The following SAMMSON variants were observed in gnomAD, a reference collection of about 807,000 sequenced individuals.
The protein encoded by SAMMSON is survival associated mitochondrial melanoma specific oncogenic non-coding RNA.
rs749575596 is a variant in SAMMSON, at chr3:70,157,324, G to A, written n.507+85759G>A. On this transcript the variant is annotated intron_variant and non_coding_transcript_variant, in intron 4 of 9. Coordinates refer to ENST00000642114, the Ensembl canonical transcript of SAMMSON. Reference sequence around the variant, plus strand: ...ATTTAAAAGTTACACCTGAGCTGACGAGGCAAGCGTAGCATGATTCCATAC... The same window carrying A: ...ATTTAAAAGTTACACCTGAGCTGACAAGGCAAGCGTAGCATGATTCCATAC... Among the ~76,000 whole-genome samples, 46 of 152,184 alleles carry A rather than the reference G, an allele frequency of 3.0e-4. 1 individual carries two copies. The highest frequency in any genetic ancestry group is 3.4e-3 in the Middle Eastern group (1 of 294).
At chr3:70,369,863 T>C (rs1278281491) in intron 9 of SAMMSON, among the ~76,000 whole-genome samples, 1 of 151,824 alleles carries the variant, frequency 6.6e-6, no homozygotes, top group Non-Finnish European at 1.5e-5. Flanking sequence ...TATAGTACAT[T>C]GTTATGAACT....
chr3:70,304,558 G>C (rs1456987342), intron 7 of SAMMSON, among the ~76,000 whole-genome samples: 1 of 152,008 alleles, frequency 6.6e-6, no homozygotes, highest in East Asian at 1.9e-4. Context: ...GTCAGCCTTT[G>C]ATTCCTTTCT....
chr3:70,079,264 G>T (rs1028960328), intron 4 of SAMMSON, among the ~76,000 whole-genome samples: 1 of 152,128 alleles, frequency 6.6e-6, no homozygotes, highest in African/African-American at 2.4e-5. Flanking sequence ...AAACTTGTGG[G>T]TATCTCTTCT....
At chr3:70,010,542 T>C (rs1163453223) in intron 1 of SAMMSON, among the ~76,000 whole-genome samples, 1 of 152,282 alleles carries the variant, frequency 6.6e-6, no homozygotes, top group Non-Finnish European at 1.5e-5. Context: ...TTTTCACTGA[T>C]GTCATTCTTG....
intron 9 of SAMMSON, among the ~76,000 whole-genome samples, chr3:70,366,147 C>T (rs112134426): frequency 1.3e-5 from 1 of 75,312 alleles, no homozygotes; most frequent in African/African-American, 4.9e-5. Context: ...CCCGCCACCG[C>T]GCCCGGCTAA....
chr3:70,078,333 G>A (rs548556057), intron 4 of SAMMSON, among the ~76,000 whole-genome samples: 2 of 152,114 alleles, frequency 1.3e-5, no homozygotes, highest in Admixed American at 6.5e-5. Context: ...CTAGGGTTCT[G>A]CAAAAAAATT....
chr3:70,233,198 C>T (rs1192649424), intron 4 of SAMMSON, among the ~76,000 whole-genome samples: 4 of 152,082 alleles, frequency 2.6e-5, no homozygotes, highest in African/African-American at 2.4e-5. Context: ...GTACTAAAAG[C>T]GAGCTCTCCC....
At chr3:70,021,871 A>G (rs2067014605) in intron 3 of SAMMSON, among the ~76,000 whole-genome samples, 1 of 152,144 alleles carries the variant, frequency 6.6e-6, no homozygotes, top group Non-Finnish European at 1.5e-5. Context: ...GCATAGATAA[A>G]ACCTGAGGGC....
intron 7 of SAMMSON, among the ~76,000 whole-genome samples, chr3:70,304,524 A>G (rs933727403): frequency 3.9e-5 from 6 of 151,972 alleles, no homozygotes; most frequent in Non-Finnish European, 8.8e-5. Context: ...CATCATTACC[A>G]TTTCACAATT....
chr3:70,382,610 G>T (rs1559577394), intron 9 of SAMMSON, among the ~76,000 whole-genome samples: 1 of 151,574 alleles, frequency 6.6e-6, no homozygotes, highest in South Asian at 2.1e-4. Flanking sequence ...CAAAATGTTT[G>T]TATTTTTTTC....
chr3:70,238,132 C>T (rs934895347), intron 4 of SAMMSON, among the ~76,000 whole-genome samples: 4 of 151,752 alleles, frequency 2.6e-5, no homozygotes, highest in Non-Finnish European at 5.9e-5. Context: ...TAGCCAGAGT[C>T]CTCTATCTCC....
At chr3:70,362,518 A>G (rs1702880510) in intron 9 of SAMMSON, among the ~76,000 whole-genome samples, 1 of 152,060 alleles carries the variant, frequency 6.6e-6, no homozygotes, top group Non-Finnish European at 1.5e-5. Flanking sequence ...AAGCAGAACA[A>G]TTTATTAAAT....
chr3:70,392,650 T>G (rs575889527), downstream of SAMMSON, among the ~76,000 whole-genome samples: 1 of 152,266 alleles, frequency 6.6e-6, no homozygotes, highest in East Asian at 1.9e-4. Flanking sequence ...CAGGCTTCTG[T>G]GCGAATTCAG....
intron 4 of SAMMSON, among the ~76,000 whole-genome samples, chr3:70,114,794 A>T (rs1291266032): frequency 6.6e-6 from 1 of 152,218 alleles, no homozygotes; most frequent in East Asian, 1.9e-4. Context: ...ATAATATAGG[A>T]TTCAAAGCAT....
At chr3:70,040,970 C>G (rs150118829) in intron 3 of SAMMSON, among the ~76,000 whole-genome samples, 15 of 152,160 alleles carry the variant, frequency 9.9e-5, no homozygotes, top group African/African-American at 3.4e-4. Context: ...TGAATGGTAA[C>G]TGAGGAGGAC....
intron 7 of SAMMSON, among the ~76,000 whole-genome samples, chr3:70,320,460 A>C (rs952190092): frequency 8.5e-5 from 13 of 152,078 alleles, no homozygotes; most frequent in African/African-American, 3.1e-4. Context: ...TCAAATGCTA[A>C]ATTAAAATCA....
intron 8 of SAMMSON, among the ~76,000 whole-genome samples, chr3:70,354,912 C>T (rs1702818885): frequency 6.6e-6 from 1 of 152,040 alleles, no homozygotes; most frequent in Non-Finnish European, 1.5e-5. Flanking sequence ...GGGTATTTTT[C>T]TTAATAAAAT....
intron 4 of SAMMSON, among the ~76,000 whole-genome samples, chr3:70,074,605 T>TA (rs2067241893): frequency 6.6e-6 from 1 of 152,130 alleles, no homozygotes; most frequent in African/African-American, 2.4e-5. Flanking sequence ...TCAGGACATT[T>TA]AAAAATCAGT....
chr3:70,118,942 A>G (rs1309761960), intron 4 of SAMMSON, among the ~76,000 whole-genome samples: 1 of 152,230 alleles, frequency 6.6e-6, no homozygotes. Flanking sequence ...GTTTGAATAT[A>G]TGGACCATTT....
Sources: allele counts gnomAD v4.1 joint callset (sites outside exome capture counted in the v4.1 genomes callset), GRCh38; gene constraint gnomAD v4.1.1; transcripts MANE v1.5; gene names NCBI Gene and HGNC (gene_info 2026-07-23, HGNC 2026-07-21).